Variants in TENM1 observed in about 807,000 individuals in gnomAD.
The protein encoded by TENM1 is teneurin transmembrane protein 1.
TENM1 carries 35 observed loss-of-function variants against 174.8 expected under a neutral mutation model. That is an observed-to-expected ratio of 0.20 (90% CI 0.15 to 0.27). The LOEUF (loss-of-function observed/expected upper bound fraction) is 0.27. TENM1 is among the 10% of genes least tolerant of loss of function. The pLI is 1.00. For synonymous variants in TENM1, 781 were observed against 798.7 expected (o/e 0.98, Z 0.37); for missense variants, 1,633 against 2,130.1 (o/e 0.77, Z 4.59).
intron 1 of TENM1, among the ~76,000 whole-genome samples, chrX:124,939,377 C>G (rs954052997): frequency 9.0e-6 from 1 of 111,385 alleles, no homozygotes; most frequent in Non-Finnish European, 1.9e-5. Context: ...ACAGCATTAC[C>G]TCTGCCTTCT....
rs750049239 is a variant in TENM1 at position 124,561,656 on chromosome X, T to C, written c.2434+15A>G. ...GCTATTCCTTTCTTACGTGAACATT[T>C]TATAAATGACTCACCTCCATCATTG... On this transcript the variant is annotated intron_variant, in intron 14 of 31. Coordinates refer to ENST00000422452, the Ensembl canonical transcript of TENM1. 1.7e-6 allele frequency: 2 copies of C among 1,210,336 alleles called. No homozygotes were observed. The highest frequency in any genetic ancestry group is 2.2e-6 in the Non-Finnish European group (2 of 894,746).
chrX:124,617,191 C>T (rs1036314297), intron 11 of TENM1, among the ~76,000 whole-genome samples: 7 of 111,824 alleles, frequency 6.3e-5, no homozygotes, highest in Non-Finnish European at 1.3e-4. Flanking sequence ...TGGTATCTTG[C>T]CATATGCCCT....
the TENM1 span, among the ~76,000 whole-genome samples, chrX:125,091,985 CAAAAAAAAAAA>C: frequency 2.1e-4 from 3 of 14,182 alleles, no homozygotes; most frequent in Non-Finnish European, 4.0e-4. Flanking sequence ...AACTCTGTCT[CAAAAAAAAAAA>C]AAAAAAAAAA....
intron 16 of TENM1, among the ~76,000 whole-genome samples, chrX:124,527,903 G>A (rs1188153074): frequency 1.9e-5 from 2 of 104,156 alleles, no homozygotes; most frequent in Non-Finnish European, 3.9e-5. Flanking sequence ...TGATCCGCCC[G>A]CCTCAGCCTC....
At chrX:124,644,242 C>T (rs2051100879) in intron 10 of TENM1, among the ~76,000 whole-genome samples, 1 of 100,533 alleles carries the variant, frequency 9.9e-6, no homozygotes, top group Admixed American at 1.1e-4. Context: ...ATATAATCAT[C>T]ACACCAAAAT....
rs181596710 is a variant in TENM1, at chrX:124,427,510, T to G, written c.4105-4872A>C. On this transcript the variant is annotated intron_variant, in intron 23 of 31. Transcript: ENST00000422452. Reference sequence around the variant, plus strand: ...CTTCTGAGCCATTTTCTATACAAACTACACAGATTCCCTTTAATTCCCATT... The same window carrying G: ...CTTCTGAGCCATTTTCTATACAAACGACACAGATTCCCTTTAATTCCCATT... Among the ~76,000 whole-genome samples the G allele has an allele frequency of 1.6e-3, 183 of 112,291 alleles. 2 individuals are homozygous for G. Among genetic ancestry groups the G allele is most frequent in the African/African-American group, 5.6e-3 (173 of 30,975 alleles).
At chrX:124,492,962 TAAG>T (rs1033536664) in intron 20 of TENM1, among the ~76,000 whole-genome samples, 2 of 110,329 alleles carry the variant, frequency 1.8e-5, no homozygotes, top group Non-Finnish European at 3.8e-5. Flanking sequence ...AAAAAAAAGT[TAAG>T]AAGAACTACT....
chrX:124,609,729 G>A (rs2050240744), intron 11 of TENM1, among the ~76,000 whole-genome samples: 1 of 111,517 alleles, frequency 9.0e-6, no homozygotes, highest in African/African-American at 3.3e-5. Context: ...CATACAAAGG[G>A]TTGAGACTAG....
At chrX:124,509,846 G>A (rs181814725) in intron 18 of TENM1, among the ~76,000 whole-genome samples, 2,122 of 106,741 alleles carry the variant, frequency 0.02, 46 homozygotes, top group African/African-American at 0.061. Context: ...TCAGCCTCCC[G>A]AGTAGTTGGG....
intron 25 of TENM1, chrX:124,412,148 C>T (rs781273097): frequency 8.9e-6 from 1 of 112,871 alleles, no homozygotes; most frequent in Admixed American, 9.3e-5. Context: ...CAGAGTTCCA[C>T]TGTGATGGTC....
intron 1 of TENM1, among the ~76,000 whole-genome samples, chrX:124,928,819 G>T (rs950344421): frequency 2.7e-5 from 3 of 111,103 alleles, no homozygotes; most frequent in Non-Finnish European, 5.7e-5. Flanking sequence ...TATTAATTGT[G>T]CTAAAATGCC....
In TENM1 at chrX:124,389,285, G is replaced by A. The variant is rs73546603; in HGVS notation, c.5688+2767C>T. On this transcript the variant is annotated intron_variant, in intron 28 of 31. Transcript: ENST00000422452. ...ATCTGCTGCTGCTTTTTAATACATCGTGACACAGGTATGGCAAGCGAATTC... is the reference window on the plus strand; with the variant it reads ...ATCTGCTGCTGCTTTTTAATACATCATGACACAGGTATGGCAAGCGAATTC... Among the ~76,000 whole-genome samples the A allele has an allele frequency of 3.0e-3, 335 of 112,464 alleles. 2 individuals are homozygous for A. Among genetic ancestry groups the A allele is most frequent in the African/African-American group, 0.01 (311 of 30,989 alleles).
chrX:124,664,775 T>C (rs956576174), intron 6 of TENM1, among the ~76,000 whole-genome samples: 1 of 107,968 alleles, frequency 9.3e-6, no homozygotes, highest in Non-Finnish European at 1.9e-5. Flanking sequence ...ATCTTAGATG[T>C]GAAATATAAG....
intron 18 of TENM1, among the ~76,000 whole-genome samples, chrX:124,517,377 G>A (rs1468641334): frequency 1.8e-5 from 2 of 109,744 alleles, no homozygotes; most frequent in African/African-American, 3.3e-5. Context: ...GTTTATCGCG[G>A]CACTATTCAC....
chrX:124,830,342 GA>G (rs2056262850), intron 3 of TENM1, among the ~76,000 whole-genome samples: 1 of 111,725 alleles, frequency 9.0e-6, no homozygotes, highest in African/African-American at 3.3e-5. Context: ...GAACAGGGGA[GA>G]GGGGCAGTCT....
intron 3 of TENM1, among the ~76,000 whole-genome samples, chrX:124,760,282 A>C (rs754623097): frequency 8.9e-6 from 1 of 111,974 alleles, no homozygotes; most frequent in South Asian, 3.7e-4. Flanking sequence ...TGTGACAAGA[A>C]CCTGATTTTA....
At chrX:124,653,539 T>A in intron 7 of TENM1, 45 bp downstream of exon 10, 1 of 1,087,976 alleles carries the variant, frequency 9.2e-7, no homozygotes, top group East Asian at 3.0e-5. Flanking sequence ...GTTCAACCCA[T>A]CACCCTTGAA....
chrX:124,536,056 C>T (rs1014942475), intron 15 of TENM1, among the ~76,000 whole-genome samples: 4 of 111,390 alleles, frequency 3.6e-5, no homozygotes, highest in Non-Finnish European at 3.8e-5. Context: ...AATTTATGCA[C>T]GCTAGCCCCA....
intron 3 of TENM1, among the ~76,000 whole-genome samples, chrX:124,856,204 C>T (rs988203236): frequency 3.6e-5 from 4 of 110,754 alleles, no homozygotes; most frequent in African/African-American, 1.3e-4. Flanking sequence ...TGAGTCTGAA[C>T]TGTCTTTCAT....
Sources: gnomAD v4.1 joint callset for allele counts (sites outside exome capture counted in the v4.1 genomes callset) on GRCh38, gnomAD v4.1.1 for gene constraint, MANE v1.5 for transcripts, NCBI Gene and HGNC (gene_info 2026-07-23, HGNC 2026-07-21) for gene names.